Variants in DCLK1 observed in about 807,000 individuals in gnomAD.
DCLK1 encodes doublecortin like kinase 1, also known as serine/threonine-protein kinase DCLK1.
In DCLK1, 16 loss-of-function variants were observed where a neutral mutation model predicts 86.2. The observed-to-expected ratio is 0.19, with a 90% CI of 0.13 to 0.28. The LOEUF (loss-of-function observed/expected upper bound fraction) is 0.28, where lower values mean the gene tolerates loss of function less well. Ranked by LOEUF, DCLK1 falls within the 10% of genes least tolerant of loss-of-function variation. The pLI is 1.00. For missense variants in DCLK1, 590 were observed against 940.2 expected (o/e 0.63, Z 4.87); for synonymous variants, 369 against 370.5 (o/e 1.00, Z 0.05).
intron 3 of DCLK1, among the ~76,000 whole-genome samples, chr13:36,099,433 A>C (rs7988983): frequency 0.4 from 60,150 of 152,002 alleles, 12,377 homozygotes; most frequent in South Asian, 0.57. Context: ...CAATCATCTC[A>C]TACTCCCATG....
intron 6 of DCLK1, among the ~76,000 whole-genome samples, chr13:35,851,898 G>T (rs538078588): frequency 6.6e-6 from 1 of 152,194 alleles, no homozygotes; most frequent in South Asian, 2.1e-4. Flanking sequence ...TATTTGTAAA[G>T]AAACCAGTCA....
At chr13:35,833,268 A>AC (rs1344188667) in intron 8 of DCLK1, among the ~76,000 whole-genome samples, 1 of 152,000 alleles carries the variant, frequency 6.6e-6, no homozygotes, top group African/African-American at 2.4e-5. Context: ...TGACTATATC[A>AC]CCCCAACCCT....
At chr13:35,840,302 C>A (rs1869700539) in intron 6 of DCLK1, among the ~76,000 whole-genome samples, 1 of 152,108 alleles carries the variant, frequency 6.6e-6, no homozygotes, top group Non-Finnish European at 1.5e-5. Context: ...TCTACAGTAT[C>A]CTGCATAGGA....
intron 6 of DCLK1, among the ~76,000 whole-genome samples, chr13:35,850,949 C>A (rs1870581847): frequency 6.6e-6 from 1 of 152,146 alleles, no homozygotes; most frequent in African/African-American, 2.4e-5. Context: ...TCTAAATAAA[C>A]AAAATGGTGC....
intron 4 of DCLK1, among the ~76,000 whole-genome samples, chr13:35,919,877 A>G (rs1386273968): frequency 1.7e-5 from 2 of 117,866 alleles, no homozygotes; most frequent in Non-Finnish European, 3.3e-5. Context: ...CTGTACAATG[A>G]GGATAATGAT....
chr13:36,047,102 A>T (rs1479630787), intron 3 of DCLK1, among the ~76,000 whole-genome samples: 1 of 152,260 alleles, frequency 6.6e-6, no homozygotes, highest in East Asian at 1.9e-4. Flanking sequence ...AGTAGTCATC[A>T]TGAAAATGCA....
chr13:35,806,814 C>T (rs555473386), intron 14 of DCLK1, among the ~76,000 whole-genome samples: 6 of 152,314 alleles, frequency 3.9e-5, no homozygotes, highest in Non-Finnish European at 5.9e-5. Flanking sequence ...GAAGAGCCCC[C>T]GGCCCTGCAG....
chr13:36,057,425 T>C (rs1021433431), intron 3 of DCLK1, among the ~76,000 whole-genome samples: 1 of 152,252 alleles, frequency 6.6e-6, no homozygotes, highest in Non-Finnish European at 1.5e-5. Context: ...TACTTAAATC[T>C]ATGTAACACC....
chr13:35,858,323 T>C lies in DCLK1; in HGVS notation c.941-3730A>G, dbSNP rs111442864. Among the ~76,000 whole-genome samples the C allele has an allele frequency of 4.5e-3, 681 of 152,268 alleles. 7 individuals carry two copies. Among genetic ancestry groups the C allele is most frequent in the African/African-American group, 0.015 (639 of 41,552 alleles). On this transcript the variant is annotated intron_variant, in intron 5 of 16. Transcript: ENST00000360631. ...AAGATTAAGGCCAAAAGGGAGCATG[T>C]TTGCAAGGACAGAGAGTTTGGACAC...
At position 35,828,887 on chromosome 13, in the gene DCLK1, C is replaced by CTA. The variant is rs564215409; in HGVS notation, c.1230-582_1230-581dup. ...TGTTCATGCAATTACACTGAAGACT[C>CTA]TAGAGAAAGCACTCCACGCTCTTTA... On this transcript the variant is annotated intron_variant, in intron 8 of 16. Transcript: ENST00000360631. Among the ~76,000 whole-genome samples the CTA allele has an allele frequency of 3.1e-3, 466 of 152,232 alleles. 1 individual carries two copies. The highest frequency in any genetic ancestry group is 0.01 in the African/African-American group (425 of 41,546).
intron 4 of DCLK1, among the ~76,000 whole-genome samples, chr13:35,892,358 G>C (rs1269062801): frequency 6.6e-6 from 1 of 152,164 alleles, no homozygotes; most frequent in African/African-American, 2.4e-5. Context: ...AACCCCCACT[G>C]TATGAGTCAA....
chr13:35,816,767 T>C (rs1340898089), intron 11 of DCLK1, among the ~76,000 whole-genome samples: 1 of 152,190 alleles, frequency 6.6e-6, no homozygotes, highest in African/African-American at 2.4e-5. Flanking sequence ...CACTATTTAA[T>C]TCATCAGTGC....
intron 3 of DCLK1, among the ~76,000 whole-genome samples, chr13:35,999,329 A>G (rs1880611325): frequency 6.6e-6 from 1 of 152,154 alleles, no homozygotes; most frequent in Non-Finnish European, 1.5e-5. Flanking sequence ...AATGGATATG[A>G]CATTCACTCA....
intron 3 of DCLK1, among the ~76,000 whole-genome samples, chr13:36,024,968 CTTTT>C (rs1427973007): frequency 2.2e-5 from 3 of 139,080 alleles, no homozygotes; most frequent in Non-Finnish European, 4.7e-5. Flanking sequence ...TCTTTTCTTT[CTTTT>C]TTTTTTTTTT....
At chr13:35,945,783 T>C (rs1005793338) in intron 4 of DCLK1, among the ~76,000 whole-genome samples, 1 of 152,200 alleles carries the variant, frequency 6.6e-6, no homozygotes, top group Non-Finnish European at 1.5e-5. Context: ...ATACTTGTGA[T>C]ATATTTACAA....
chr13:36,120,168 G>A (rs1885933960), intron 2 of DCLK1, among the ~76,000 whole-genome samples: 1 of 152,094 alleles, frequency 6.6e-6, no homozygotes. Context: ...TATGATCTCA[G>A]TGTACAAAGG....
chr13:35,909,617 GTGTGTGTGTGT>G lies in DCLK1; in HGVS notation c.823+37730_823+37740del, dbSNP rs1325132906. On this transcript the variant is annotated intron_variant, in intron 4 of 16. Coordinates refer to ENST00000360631, the MANE Select transcript of DCLK1 (RefSeq NM_001330071.2). ...TGCATATGTGTGTGTGTGTGTGTGT[GTGTGTGTGTGT>G]GTGTGTGTGTGTATTTTTTTTTTCT... Among the ~76,000 whole-genome samples, 143 of 100,444 alleles carry G rather than the reference GTGTGTGTGTGT, an allele frequency of 1.4e-3. 1 individual carries two copies. Among genetic ancestry groups the G allele is most frequent in the African/African-American group, 4.5e-3 (132 of 29,296 alleles). 65.9% of individuals were successfully genotyped at this position (100,444 alleles called of 152,430 possible).
intron 3 of DCLK1, among the ~76,000 whole-genome samples, chr13:35,998,605 T>A (rs1215017450): frequency 6.6e-6 from 1 of 152,120 alleles, no homozygotes; most frequent in East Asian, 1.9e-4. Flanking sequence ...TATTCTTCCC[T>A]CTCTCCTTAT....
intron 3 of DCLK1, among the ~76,000 whole-genome samples, chr13:35,952,536 T>C (rs774342342): frequency 2.6e-5 from 4 of 152,240 alleles, no homozygotes; most frequent in Non-Finnish European, 5.9e-5. Flanking sequence ...TCAGGGCCTC[T>C]TGAGATCTGT....
Sources: allele counts gnomAD v4.1 joint callset (sites outside exome capture counted in the v4.1 genomes callset), GRCh38; gene constraint gnomAD v4.1.1; transcripts MANE v1.5; gene names NCBI Gene and HGNC (gene_info 2026-07-23, HGNC 2026-07-21).